Variants in BBX observed in about 807,000 individuals in gnomAD.
BBX encodes the protein HMG box transcription factor BBX.
BBX carries 30 observed loss-of-function variants against 100.2 expected under a neutral mutation model. The ratio of observed to expected loss-of-function variants is 0.30; its 90% CI spans 0.22 to 0.41. BBX has a LOEUF of 0.41. BBX is among the 10% of genes least tolerant of loss of function. The pLI is 1.00. For missense variants in BBX, 1,023 were observed against 1,129.8 expected (o/e 0.91, Z 1.35); for synonymous variants, 376 against 388.1 (o/e 0.97, Z 0.37).
intron 3 of BBX, among the ~76,000 whole-genome samples, chr3:107,689,428 TTCC>T (rs1242951783): frequency 6.6e-6 from 1 of 152,224 alleles, no homozygotes; most frequent in Non-Finnish European, 1.5e-5. Flanking sequence ...GATATGTTTG[TTCC>T]ACTTCTGCCT....
At chr3:107,694,926 G>T (rs1464819919) in intron 3 of BBX, among the ~76,000 whole-genome samples, 1 of 151,752 alleles carries the variant, frequency 6.6e-6, no homozygotes, top group Non-Finnish European at 1.5e-5. Context: ...AGTCTTGGGA[G>T]GGTGTATGTG....
At chr3:107,749,918 G>T (rs796458202) in intron 9 of BBX, among the ~76,000 whole-genome samples, 65 of 152,262 alleles carry the variant, frequency 4.3e-4, no homozygotes, top group African/African-American at 1.5e-3. Flanking sequence ...ACAGGTGTGA[G>T]CCATCGTGCC....
At chr3:107,702,490 C>T (rs997838367) in intron 3 of BBX, among the ~76,000 whole-genome samples, 2 of 152,152 alleles carry the variant, frequency 1.3e-5, no homozygotes, top group African/African-American at 4.8e-5. Flanking sequence ...CATAAAGAAA[C>T]GCATAATAAG....
At chr3:107,545,599 T>C (rs1171249997) in intron 2 of BBX, among the ~76,000 whole-genome samples, 1 of 152,240 alleles carries the variant, frequency 6.6e-6, no homozygotes, top group Non-Finnish European at 1.5e-5. Context: ...TAATTCCTTA[T>C]GTTTGGAAAA....
At position 107,787,717 on chromosome 3, in the gene BBX, TG is replaced by T. The variant is rs139366823; in HGVS notation, c.2204-2066del. Among the ~76,000 whole-genome samples the T allele has an allele frequency of 1.7e-4, 26 of 152,290 alleles. 1 individual carries two copies. The East Asian group carries it at 4.8e-3, about 28-fold the overall frequency. ...GGAACGGGAGATCAAGTGATGGGCATGGGGTTGGCTTGCAGTTTTATATAGA... is the reference window on the plus strand; with the variant it reads ...GGAACGGGAGATCAAGTGATGGGCATGGGTTGGCTTGCAGTTTTATATAGA... On this transcript the variant is annotated intron_variant, in intron 13 of 17. Coordinates refer to ENST00000325805, the MANE Select transcript of BBX (RefSeq NM_001142568.3).
chr3:107,732,363 T>G (rs2063368879), intron 6 of BBX, among the ~76,000 whole-genome samples: 1 of 152,218 alleles, frequency 6.6e-6, no homozygotes, highest in Non-Finnish European at 1.5e-5. Context: ...GAAGGCATTT[T>G]GGGCATGTGT....
At chr3:107,616,555 C>T (rs1051369867) in intron 2 of BBX, among the ~76,000 whole-genome samples, 14 of 151,926 alleles carry the variant, frequency 9.2e-5, no homozygotes, top group African/African-American at 3.1e-4. Flanking sequence ...TTGGTGCTAT[C>T]GTTTTTTGTG....
chr3:107,608,072 C>T (rs1408072133), intron 2 of BBX, among the ~76,000 whole-genome samples: 4 of 151,958 alleles, frequency 2.6e-5, no homozygotes, highest in African/African-American at 9.7e-5. Context: ...TTGATATGAT[C>T]CCATCTGTCC....
intron 10 of BBX, 68 bp downstream of exon 10, chr3:107,755,746 T>C: frequency 7.4e-7 from 1 of 1,357,524 alleles, no homozygotes; most frequent in Non-Finnish European, 1.1e-6. Context: ...TCTAACAGTG[T>C]TTCCCTAAAC....
At chr3:107,640,494 G>A (rs2057123382) in intron 2 of BBX, among the ~76,000 whole-genome samples, 1 of 152,026 alleles carries the variant, frequency 6.6e-6, no homozygotes, top group Non-Finnish European at 1.5e-5. Flanking sequence ...CGTCTCCTGT[G>A]TAGAGATCCC....
chr3:107,672,734 G>A (rs1314217247), intron 3 of BBX, among the ~76,000 whole-genome samples: 1 of 151,928 alleles, frequency 6.6e-6, no homozygotes, highest in Admixed American at 6.6e-5. Flanking sequence ...TTTTTAAAGG[G>A]CCTGGCACAG....
intron 2 of BBX, among the ~76,000 whole-genome samples, chr3:107,609,286 T>A (rs1215228257): frequency 6.6e-6 from 1 of 152,146 alleles, no homozygotes. Context: ...ATTAAGTTTG[T>A]TAGTATTTTG....
At chr3:107,567,118 T>C (rs959764435) in intron 2 of BBX, among the ~76,000 whole-genome samples, 13 of 152,166 alleles carry the variant, frequency 8.5e-5, no homozygotes, top group African/African-American at 2.9e-4. Context: ...GTATTTAGGT[T>C]AGTGAGTATG....
intron 2 of BBX, among the ~76,000 whole-genome samples, chr3:107,627,109 T>C (rs780388001): frequency 6.6e-6 from 1 of 152,200 alleles, no homozygotes; most frequent in Non-Finnish European, 1.5e-5. Flanking sequence ...GTCAGCCCTA[T>C]TCATTGTGGA....
chr3:107,662,643 GTTT>G (rs36097681), intron 3 of BBX: 16,859 of 126,312 alleles, frequency 0.13, 1,104 homozygotes, highest in Middle Eastern at 0.19. Flanking sequence ...ACAAGTCTGG[GTTT>G]TTTTTTTTTT....
intron 1 of BBX, among the ~76,000 whole-genome samples, chr3:107,525,118 G>A (rs2047660637): frequency 6.7e-6 from 1 of 149,186 alleles, no homozygotes; most frequent in Non-Finnish European, 1.5e-5. Context: ...CGCGACTTTT[G>A]TAGGCAGCCA....
intron 3 of BBX, among the ~76,000 whole-genome samples, chr3:107,649,015 G>A (rs943477728): frequency 2.6e-5 from 4 of 152,196 alleles, no homozygotes; most frequent in Non-Finnish European, 5.9e-5. Flanking sequence ...TGGACTCACC[G>A]TTTCACATGG....
chr3:107,745,840 C>T (rs2064542899), intron 8 of BBX, among the ~76,000 whole-genome samples: 1 of 152,014 alleles, frequency 6.6e-6, no homozygotes, highest in African/African-American at 2.4e-5. Flanking sequence ...AGAGATGATC[C>T]TTGAACCTCT....
intron 2 of BBX, among the ~76,000 whole-genome samples, chr3:107,610,946 G>A (rs374590272): frequency 2.7e-5 from 4 of 150,742 alleles, no homozygotes; most frequent in African/African-American, 9.8e-5. Context: ...CTTACTTTTC[G>A]TCTTCCTTTT....
Sources: gnomAD v4.1 joint callset for allele counts (sites outside exome capture counted in the v4.1 genomes callset) on GRCh38, gnomAD v4.1.1 for gene constraint, MANE v1.5 for transcripts, NCBI Gene and HGNC (gene_info 2026-07-23, HGNC 2026-07-21) for gene names.